The following MALRD1 variants were observed in gnomAD, a reference collection of about 807,000 sequenced individuals.
The protein encoded by MALRD1 is MAM and LDL-receptor class A domain-containing protein 1.
MALRD1 carries 247 observed loss-of-function variants against 242.1 expected under a neutral mutation model. The ratio of observed to expected loss-of-function variants is 1.02; its 90% confidence interval spans 0.92 to 1.13. The LOEUF (loss-of-function observed/expected upper bound fraction) is 1.13. Among genes scored for constraint, MALRD1 ranks in the 50% most tolerant of loss-of-function variants. The probability of loss-of-function intolerance (pLI) is 0.00; values close to 1 mark genes in which losing one functional copy is unlikely to be tolerated. For synonymous variants in MALRD1, 995 were observed against 866.6 expected (o/e 1.15, Z -2.60); for missense variants, 2,989 against 2,533.1 (o/e 1.18, Z -3.86).
intron 26 of MALRD1, among the ~76,000 whole-genome samples, chr10:19,386,601 G>A (rs1846085750): frequency 6.6e-6 from 1 of 151,924 alleles, no homozygotes; most frequent in African/African-American, 2.4e-5. Flanking sequence ...TCATTCCAAA[G>A]CACTTTATTT....
chr10:19,525,760 T>C (rs1834073160), intron 31 of MALRD1, among the ~76,000 whole-genome samples: 1 of 152,294 alleles, frequency 6.6e-6, no homozygotes, highest in South Asian at 2.1e-4. Context: ...AATTCAGATA[T>C]ATTTAATGAA....
chr10:19,326,542 T>A (rs16918498), intron 22 of MALRD1, among the ~76,000 whole-genome samples: 13,320 of 152,066 alleles, frequency 0.088, 1,103 homozygotes, highest in African/African-American at 0.22. Context: ...TTTTTTTCAA[T>A]GCCTTTCAAA....
chr10:19,265,944 A>G (rs1839956768), intron 19 of MALRD1, among the ~76,000 whole-genome samples: 1 of 151,734 alleles, frequency 6.6e-6, no homozygotes, highest in Non-Finnish European at 1.5e-5. Context: ...CTCTTGATTA[A>G]TTGCTATATA....
intron 28 of MALRD1, among the ~76,000 whole-genome samples, chr10:19,442,259 T>C (rs1371076229): frequency 6.6e-6 from 1 of 152,230 alleles, no homozygotes; most frequent in Non-Finnish European, 1.5e-5. Flanking sequence ...TTTCTAAATA[T>C]ACAATCATGT....
intron 14 of MALRD1, among the ~76,000 whole-genome samples, chr10:19,179,366 C>T (rs911277885): frequency 6.6e-6 from 1 of 152,132 alleles, no homozygotes; most frequent in Admixed American, 6.5e-5. Context: ...GGGGGTAGAT[C>T]TGGCTGGGTG....
intron 15 of MALRD1, 148 bp downstream of exon 15, chr10:19,204,028 T>A (rs1836670835): frequency 9.1e-7 from 1 of 1,093,084 alleles, no homozygotes; most frequent in African/African-American, 1.6e-5. Context: ...GCTGTCTGCA[T>A]GGACTGATTC....
intron 14 of MALRD1, among the ~76,000 whole-genome samples, chr10:19,182,573 G>T (rs187038103): frequency 5.3e-5 from 8 of 151,606 alleles, no homozygotes; most frequent in Admixed American, 5.3e-4. Context: ...CTCGTAATCC[G>T]TCCGCCTCAG....
At chr10:19,200,172 T>C (rs1394756457) in intron 14 of MALRD1, among the ~76,000 whole-genome samples, 4 of 152,172 alleles carry the variant, frequency 2.6e-5, no homozygotes, top group African/African-American at 4.8e-5. Context: ...TTTTCTTTGA[T>C]ATTTCATGAG....
chr10:19,179,112 C>A (rs891537896), intron 14 of MALRD1, among the ~76,000 whole-genome samples: 2 of 152,290 alleles, frequency 1.3e-5, no homozygotes, highest in East Asian at 3.9e-4. Flanking sequence ...AAGGATGTAT[C>A]TAGCCAGTCA....
At chr10:19,163,136 C>CAAA (rs1564433382) in intron 12 of MALRD1, among the ~76,000 whole-genome samples, 9 of 36,916 alleles carry the variant, frequency 2.4e-4, no homozygotes, top group Admixed American at 3.5e-4. Context: ...GAAACCCTGT[C>CAAA]TAAAAAAAAA....
chr10:19,438,989 T>G (rs1537350), intron 28 of MALRD1, among the ~76,000 whole-genome samples: 1 of 152,046 alleles, frequency 6.6e-6, no homozygotes, highest in African/African-American at 2.4e-5. Flanking sequence ...ACTATCATAG[T>G]TATGTGTCTC....
intron 38 of MALRD1, among the ~76,000 whole-genome samples, chr10:19,728,760 A>G (rs1200407744): frequency 6.6e-6 from 1 of 151,920 alleles, no homozygotes; most frequent in Non-Finnish European, 1.5e-5. Flanking sequence ...TGGTATTTTG[A>G]TGCATTTCAA....
At chr10:19,633,523 A>G (rs1388858440) in intron 36 of MALRD1, among the ~76,000 whole-genome samples, 1 of 152,142 alleles carries the variant, frequency 6.6e-6, no homozygotes, top group Non-Finnish European at 1.5e-5. Context: ...GGTCAAAAAT[A>G]TACAAATCCT....
intron 34 of MALRD1, among the ~76,000 whole-genome samples, chr10:19,597,920 G>T (rs186332399): frequency 6.6e-6 from 1 of 152,292 alleles, no homozygotes; most frequent in Non-Finnish European, 1.5e-5. Context: ...GAAGATTGTT[G>T]CAGGAGCAGA....
At chr10:19,573,336 A>C (rs571980364) in intron 33 of MALRD1, among the ~76,000 whole-genome samples, 6 of 152,216 alleles carry the variant, frequency 3.9e-5, no homozygotes, top group Non-Finnish European at 7.4e-5. Flanking sequence ...GGCATGGTGG[A>C]TCAGGGCACC....
intron 25 of MALRD1, among the ~76,000 whole-genome samples, chr10:19,349,366 T>C (rs1024562157): frequency 6.6e-6 from 1 of 152,206 alleles, no homozygotes; most frequent in African/African-American, 2.4e-5. Flanking sequence ...ATAGTATTAA[T>C]ACATGTTAAA....
chr10:19,394,013 A>T (rs935956353), intron 28 of MALRD1, among the ~76,000 whole-genome samples: 2 of 152,180 alleles, frequency 1.3e-5, no homozygotes, highest in Admixed American at 6.5e-5. Context: ...GTTTTAATCA[A>T]GATTACTGCA....
At chr10:19,389,736 C>T in intron 28 of MALRD1, 127 bp downstream of exon 28, 1 of 978,490 alleles carries the variant, frequency 1.0e-6, no homozygotes, top group Non-Finnish European at 1.5e-6. Flanking sequence ...AACTCCTGGA[C>T]TCAAGCGATC....
intron 29 of MALRD1, among the ~76,000 whole-genome samples, chr10:19,465,992 G>T (rs1836200985): frequency 6.6e-6 from 1 of 152,054 alleles, no homozygotes; most frequent in Admixed American, 6.6e-5. Context: ...AGAAATTTCA[G>T]TTTTTTAAAT....
Sources: gnomAD v4.1 joint callset for allele counts (sites outside exome capture counted in the v4.1 genomes callset) on GRCh38, gnomAD v4.1.1 for gene constraint, MANE v1.5 for transcripts, NCBI Gene and HGNC (gene_info 2026-07-23, HGNC 2026-07-21) for gene names.